Variants in SOX6 observed in about 807,000 individuals in gnomAD.
SOX6 encodes SRY-box transcription factor 6.
Under a neutral mutation model 97.8 loss-of-function variants are expected in SOX6, and 11 were observed. That is an observed-to-expected ratio of 0.11 (90% CI 0.07 to 0.19). The LOEUF (loss-of-function observed/expected upper bound fraction) is 0.19, where lower values mean the gene tolerates loss of function less well. Among genes scored for constraint, SOX6 ranks in the 10% least tolerant of loss-of-function variants. SOX6 has a pLI of 1.00. For synonymous variants in SOX6, 360 were observed against 371.4 expected (o/e 0.97, Z 0.35); for missense variants, 810 against 1,039.5 (o/e 0.78, Z 3.04).
At chr11:16,655,019 T>C (rs545105100) in intron 3 of SOX6, among the ~76,000 whole-genome samples, 1 of 152,318 alleles carries the variant, frequency 6.6e-6, no homozygotes, top group Admixed American at 6.5e-5. Flanking sequence ...TTGTAACCTC[T>C]GGGGATGGGC....
intron 4 of SOX6, among the ~76,000 whole-genome samples, chr11:16,574,634 T>C (rs1438934995): frequency 6.6e-6 from 1 of 152,066 alleles, no homozygotes; most frequent in African/African-American, 2.4e-5. Flanking sequence ...GAACATCTGT[T>C]CATCAAAAGA....
At position 16,568,665 on chromosome 11, in the gene SOX6, TA is replaced by T. The variant is rs200704531; in HGVS notation, n.609+43415del. On this transcript the variant is annotated intron_variant and non_coding_transcript_variant, in intron 4 of 5. Coordinates refer to the SOX6 transcript ENST00000524520. ...GACCTTAGGGCAATGAAGTAAGCAATAAAAAATTCACATTATATGCATTTAA... is the reference window on the plus strand; with the variant it reads ...GACCTTAGGGCAATGAAGTAAGCAATAAAAATTCACATTATATGCATTTAA... 4.1e-3 allele frequency among the ~76,000 whole-genome samples: 624 copies of T among 152,270 alleles called. 3 individuals carry two copies. The highest frequency in any genetic ancestry group is 5.5e-3 in the Admixed American group (84 of 15,306).
At chr11:16,635,614 G>A (rs1026216081) in intron 3 of SOX6, among the ~76,000 whole-genome samples, 18 of 152,200 alleles carry the variant, frequency 1.2e-4, no homozygotes, top group African/African-American at 4.1e-4. Context: ...ATCTGCATAA[G>A]TAAGAAGGAG....
At chr11:16,718,539 T>C (rs1848235413) in intron 2 of SOX6, among the ~76,000 whole-genome samples, 1 of 152,172 alleles carries the variant, frequency 6.6e-6, no homozygotes, top group Non-Finnish European at 1.5e-5. Context: ...TGTTCATTTA[T>C]GTGTTTAAAT....
chr11:16,129,146 G>A (rs1053722568), intron 6 of SOX6, among the ~76,000 whole-genome samples: 2 of 151,720 alleles, frequency 1.3e-5, no homozygotes, highest in Non-Finnish European at 2.9e-5. Flanking sequence ...GGGATTACAG[G>A]CATGAGCCAC....
At chr11:16,030,927 G>T (rs1855355758) in intron 12 of SOX6, among the ~76,000 whole-genome samples, 1 of 152,190 alleles carries the variant, frequency 6.6e-6, no homozygotes, top group Non-Finnish European at 1.5e-5. Flanking sequence ...GAGGCACACA[G>T]CATAAAGCTT....
At chr11:16,244,062 A>G (rs1455512110) in intron 3 of SOX6, among the ~76,000 whole-genome samples, 2 of 151,884 alleles carry the variant, frequency 1.3e-5, no homozygotes, top group Non-Finnish European at 2.9e-5. Flanking sequence ...TTGGGGAGCT[A>G]TGTGCCTGAC....
intron 7 of SOX6, among the ~76,000 whole-genome samples, chr11:16,111,308 T>C (rs1309915753): frequency 1.3e-5 from 2 of 152,242 alleles, no homozygotes; most frequent in Non-Finnish European, 2.9e-5. Flanking sequence ...TAAAAAGTAC[T>C]GAATACTTCA....
In SOX6 at chr11:16,242,495, T is replaced by C. The variant is rs553582350; in HGVS notation, c.446-7824A>G. Among the ~76,000 whole-genome samples, 51 of 152,036 alleles carry C rather than the reference T, an allele frequency of 3.4e-4. No homozygotes were observed. The South Asian group carries it at 0.01, about 31-fold the overall frequency. On this transcript the variant is annotated intron_variant, in intron 3 of 15. Transcript: ENST00000683767. ...GCTTTGAAACAAACTTCTTGCTTCATTGAAAGATATACAAAGACCTTAAGG... is the reference window on the plus strand; with the variant it reads ...GCTTTGAAACAAACTTCTTGCTTCACTGAAAGATATACAAAGACCTTAAGG...
At chr11:16,209,860 C>T (rs1176980710) in intron 4 of SOX6, among the ~76,000 whole-genome samples, 1 of 151,924 alleles carries the variant, frequency 6.6e-6, no homozygotes, top group Non-Finnish European at 1.5e-5. Context: ...AAAACTAGCT[C>T]CAATACTTAC....
At chr11:16,680,117 A>G (rs1847914805) in intron 3 of SOX6, among the ~76,000 whole-genome samples, 1 of 152,200 alleles carries the variant, frequency 6.6e-6, no homozygotes, top group Non-Finnish European at 1.5e-5. Flanking sequence ...GAACACCACA[A>G]AGATACTCCG....
chr11:16,195,055 T>C (rs1851734737), intron 4 of SOX6, among the ~76,000 whole-genome samples: 1 of 152,212 alleles, frequency 6.6e-6, no homozygotes, highest in Admixed American at 6.5e-5. Context: ...ATCATTTGTG[T>C]CAATATCACC....
At chr11:16,378,455 TAAAA>T (rs1392841838) in intron 1 of SOX6, among the ~76,000 whole-genome samples, 2 of 151,984 alleles carry the variant, frequency 1.3e-5, no homozygotes, top group Non-Finnish European at 2.9e-5. Flanking sequence ...TATGAATAAT[TAAAA>T]TTTGCCAAAT....
At chr11:16,236,311 A>G (rs1853020474) in intron 3 of SOX6, among the ~76,000 whole-genome samples, 1 of 152,016 alleles carries the variant, frequency 6.6e-6, no homozygotes, top group African/African-American at 2.4e-5. Context: ...ATTTTGTTCT[A>G]TACTTATTTT....
intron 4 of SOX6, among the ~76,000 whole-genome samples, chr11:16,574,477 A>G (rs998174867): frequency 6.6e-6 from 1 of 152,150 alleles, no homozygotes; most frequent in Non-Finnish European, 1.5e-5. Context: ...AGTATACCAA[A>G]ACATCTTCAG....
chr11:16,130,794 A>C (rs979505599), intron 6 of SOX6, among the ~76,000 whole-genome samples: 3 of 151,968 alleles, frequency 2.0e-5, no homozygotes, highest in Non-Finnish European at 4.4e-5. Context: ...AGTGGACCAG[A>C]ATACAGAGTC....
intron 3 of SOX6, among the ~76,000 whole-genome samples, chr11:16,698,634 T>C (rs527760688): frequency 6.6e-6 from 1 of 152,206 alleles, no homozygotes; most frequent in Non-Finnish European, 1.5e-5. Flanking sequence ...TAATCAATTA[T>C]AGCTTTTGAT....
intron 15 of SOX6, among the ~76,000 whole-genome samples, chr11:15,983,372 A>G (rs535621597): frequency 7.2e-5 from 11 of 152,254 alleles, no homozygotes; most frequent in Non-Finnish European, 1.6e-4. Flanking sequence ...AATAAAAAAA[A>G]CTAACTCATC....
At chr11:15,979,389 C>T (rs1443406125) in intron 15 of SOX6, among the ~76,000 whole-genome samples, 1 of 151,980 alleles carries the variant, frequency 6.6e-6, no homozygotes, top group Non-Finnish European at 1.5e-5. Flanking sequence ...AGGCTAGCTT[C>T]CTTGCTACAG....
Sources: gnomAD v4.1 joint callset for allele counts (sites outside exome capture counted in the v4.1 genomes callset) on GRCh38, gnomAD v4.1.1 for gene constraint, MANE v1.5 for transcripts, NCBI Gene and HGNC (gene_info 2026-07-23, HGNC 2026-07-21) for gene names.